NRCAM: variants seen among roughly 807,000 people sequenced by gnomAD.
The protein encoded by NRCAM is neuronal cell adhesion molecule.
NRCAM carries 83 observed loss-of-function variants against 156.5 expected under a neutral mutation model. That is an observed-to-expected ratio of 0.53 (90% CI 0.44 to 0.64). NRCAM has a LOEUF of 0.64. Ranked by LOEUF, NRCAM falls within the 30% of genes least tolerant of loss-of-function variation. The pLI, the probability that NRCAM is intolerant of heterozygous loss-of-function variation, is 0.00. For missense variants in NRCAM, 1,417 were observed against 1,597.3 expected, an observed-to-expected ratio of 0.89 and a Z score of 1.92; for synonymous variants, 538 against 563.9, an observed-to-expected ratio of 0.95 and a Z score of 0.65.
At chr7:108,324,204 G>A (rs2154217009) in intron 2 of NRCAM, among the ~76,000 whole-genome samples, 1 of 152,262 alleles carries the variant, frequency 6.6e-6, no homozygotes, top group South Asian at 2.1e-4. Flanking sequence ...GAGTGAGATT[G>A]AGACAGGAAG....
At chr7:108,267,562 A>G (rs2097154891) in intron 3 of NRCAM, among the ~76,000 whole-genome samples, 1 of 152,228 alleles carries the variant, frequency 6.6e-6, no homozygotes, top group Non-Finnish European at 1.5e-5. Flanking sequence ...AAAAACCCCA[A>G]AAAAGCCCAC....
chr7:108,245,980 T>TA (rs2095881220), intron 3 of NRCAM, among the ~76,000 whole-genome samples: 2 of 152,210 alleles, frequency 1.3e-5, no homozygotes, highest in African/African-American at 4.8e-5. Context: ...GTGAGACTAA[T>TA]AGCAACCCTG....
intron 2 of NRCAM, among the ~76,000 whole-genome samples, chr7:108,333,304 G>A (rs1253869359): frequency 6.6e-6 from 1 of 152,000 alleles, no homozygotes; most frequent in Non-Finnish European, 1.5e-5. Flanking sequence ...ACCCTTTCTG[G>A]AATCATTCTC....
At chr7:108,420,610 C>T (rs1808279648) in intron 1 of NRCAM, among the ~76,000 whole-genome samples, 1 of 152,160 alleles carries the variant, frequency 6.6e-6, no homozygotes, top group South Asian at 2.1e-4. Flanking sequence ...ACCCACTGCC[C>T]AATTACTCAT....
intron 2 of NRCAM, among the ~76,000 whole-genome samples, chr7:108,320,906 T>TA (rs772388170): frequency 3.3e-5 from 5 of 152,266 alleles, no homozygotes; most frequent in Non-Finnish European, 7.3e-5. Context: ...TATGTTAATT[T>TA]ACGCAGGCGT....
intron 2 of NRCAM, among the ~76,000 whole-genome samples, chr7:108,358,907 T>G (rs2099528234): frequency 6.6e-6 from 1 of 152,216 alleles, no homozygotes; most frequent in South Asian, 2.1e-4. Context: ...ACTTAACAGA[T>G]TGCATGAAAT....
At chr7:108,286,375 GAT>G (rs2098101069) in intron 3 of NRCAM, among the ~76,000 whole-genome samples, 1 of 152,082 alleles carries the variant, frequency 6.6e-6, no homozygotes, top group Non-Finnish European at 1.5e-5. Flanking sequence ...TGAAAATGAT[GAT>G]AGAGATTCAG....
rs1483507558 is a variant in NRCAM, at chr7:108,284,269, A to G, written c.-107+28396T>C. Among the ~76,000 whole-genome samples the G allele has an allele frequency of 2.0e-5, 3 of 151,790 alleles. No individual in the cohort carries two copies. The East Asian group carries it at 5.8e-4, about 30-fold the overall frequency. On this transcript the variant is annotated intron_variant, in intron 3 of 32. Coordinates refer to ENST00000379028, the MANE Select transcript of NRCAM (RefSeq NM_001037132.4). Reference sequence around the variant, plus strand: ...CCAAGCTGAAACCTAAGTCATCCACACTCCTGTCTCCTCCTTCTCCCTCAC... The same window carrying G: ...CCAAGCTGAAACCTAAGTCATCCACGCTCCTGTCTCCTCCTTCTCCCTCAC...
rs759397619 is a variant in NRCAM at position 108,160,374 on chromosome 7, A to G, written c.3585T>C (p.Gly1195=). The G allele has an allele frequency of 6.8e-6, 11 of 1,613,072 alleles. No homozygotes were observed. Among genetic ancestry groups the G allele is most frequent in the Non-Finnish European group, 8.5e-6 (10 of 1,179,420 alleles). The change falls in exon 31 of 33, where the codon GGT becomes GGC. Residue 1195 remains glycine (G), a synonymous_variant. Coordinates refer to ENST00000379028, the MANE Select transcript of NRCAM (RefSeq NM_001037132.4). ...TTTCTTTCTTACCTGGATATTTACC[A>G]CCCTTGTTTCTTCTGATGAAGCAAA... ...LIVCFIRRNK[G]GKYPVKEKED... is the part of the protein sequence containing the mutation.
chr7:108,196,382 C>T (rs1327153989), intron 14 of NRCAM, among the ~76,000 whole-genome samples: 1 of 152,104 alleles, frequency 6.6e-6, no homozygotes, highest in South Asian at 2.1e-4. Flanking sequence ...AGATAGTCAA[C>T]AAAGTGAAGA....
chr7:108,247,728 T>C (rs1335541052), intron 3 of NRCAM, among the ~76,000 whole-genome samples: 3 of 152,230 alleles, frequency 2.0e-5, no homozygotes, highest in Non-Finnish European at 2.9e-5. Flanking sequence ...GAGTCCAATA[T>C]TGTTAGTCTA....
At chr7:108,440,820 T>C (rs1837703617) in intron 1 of NRCAM, among the ~76,000 whole-genome samples, 1 of 151,596 alleles carries the variant, frequency 6.6e-6, no homozygotes, top group Non-Finnish European at 1.5e-5. Context: ...CTTTCAAGTC[T>C]CTGGCTGCTC....
At chr7:108,355,708 C>T (rs1225779354) in intron 2 of NRCAM, among the ~76,000 whole-genome samples, 1 of 152,156 alleles carries the variant, frequency 6.6e-6, no homozygotes, top group African/African-American at 2.4e-5. Flanking sequence ...GGCTCTACCA[C>T]CATGTTAGTC....
intron 1 of NRCAM, among the ~76,000 whole-genome samples, chr7:108,454,736 C>A (rs1854494298): frequency 6.6e-6 from 1 of 152,210 alleles, no homozygotes; most frequent in Admixed American, 6.5e-5. Flanking sequence ...CCAGGGGGAG[C>A]TCCTGGTGCA....
intron 3 of NRCAM, among the ~76,000 whole-genome samples, chr7:108,243,567 T>G (rs746168581): frequency 6.6e-6 from 1 of 152,206 alleles, no homozygotes; most frequent in African/African-American, 2.4e-5. Context: ...AAATCCCAAT[T>G]TGAAATAGCA....
intron 2 of NRCAM, among the ~76,000 whole-genome samples, chr7:108,384,968 A>C (rs572303438): frequency 6.6e-6 from 1 of 152,220 alleles, no homozygotes; most frequent in Non-Finnish European, 1.5e-5. Flanking sequence ...TGTGAAGAAC[A>C]AAGAATAGCA....
chr7:108,308,288 T>A (rs2098748531), intron 3 of NRCAM, among the ~76,000 whole-genome samples: 1 of 152,216 alleles, frequency 6.6e-6, no homozygotes, highest in Non-Finnish European at 1.5e-5. Flanking sequence ...GGGTCACGAA[T>A]CTAGACTTAT....
chr7:108,297,952 C>G (rs539192635), intron 3 of NRCAM, among the ~76,000 whole-genome samples: 1 of 152,074 alleles, frequency 6.6e-6, no homozygotes, highest in Non-Finnish European at 1.5e-5. Context: ...GAGGGAGCCT[C>G]GGTGAAAGAC....
intron 2 of NRCAM, among the ~76,000 whole-genome samples, chr7:108,316,649 G>A (rs1250054040): frequency 1.3e-5 from 2 of 152,020 alleles, no homozygotes; most frequent in Admixed American, 6.6e-5. Context: ...GCTGGGTGTA[G>A]TGGCAGGCAT....
Sources: gnomAD v4.1 joint callset for allele counts (sites outside exome capture counted in the v4.1 genomes callset) on GRCh38, gnomAD v4.1.1 for gene constraint, MANE v1.5 for transcripts, NCBI Gene and HGNC (gene_info 2026-07-23, HGNC 2026-07-21) for gene names.